GPAM: variants seen among roughly 807,000 people sequenced by gnomAD.
GPAM encodes glycerol-3-phosphate acyltransferase, mitochondrial, also known as glycerol-3-phosphate acyltransferase 1, mitochondrial.
Under a neutral mutation model 105.0 loss-of-function variants are expected in GPAM, and 56 were observed. The ratio of observed to expected loss-of-function variants is 0.53; its 90% confidence interval spans 0.43 to 0.67. The LOEUF (loss-of-function observed/expected upper bound fraction) is 0.67. Ranked by LOEUF, GPAM falls within the 30% of genes least tolerant of loss-of-function variation. The pLI is 0.00. For synonymous variants in GPAM, 368 were observed against 354.4 expected, an observed-to-expected ratio of 1.04 and a Z score of -0.43; for missense variants, 855 against 989.8, an observed-to-expected ratio of 0.86 and a Z score of 1.83.
At chr10:112,212,359 T>C (rs1589613543) in intron 1 of GPAM, among the ~76,000 whole-genome samples, 2 of 151,998 alleles carry the variant, frequency 1.3e-5, no homozygotes, top group Admixed American at 6.6e-5. Context: ...GCCTCCTGGG[T>C]TCACACCATT....
intron 1 of GPAM, among the ~76,000 whole-genome samples, chr10:112,212,556 C>T (rs1847923923): frequency 6.6e-6 from 1 of 152,194 alleles, no homozygotes. Flanking sequence ...AGCCACCGTG[C>T]CCGGCCTCGC....
chr10:112,161,573 G>A (rs966347729), intron 15 of GPAM, 94 bp downstream of exon 15: 10 of 946,796 alleles, frequency 1.1e-5, no homozygotes, highest in African/African-American at 9.6e-5. Context: ...TACTAGCCAT[G>A]AGTGGGCCAA....
chr10:112,207,305 C>T lies in GPAM; in HGVS notation n.210+7863G>A, dbSNP rs1369294120. On this transcript the variant is annotated intron_variant and non_coding_transcript_variant, in intron 1 of 3. Coordinates refer to the GPAM transcript ENST00000480130. ...CCAAGGTTGACCCATTCTGATCCAA[C>T]CTAACACATTCTACAGATAAGGACA... Among the ~76,000 whole-genome samples, 4 of 152,188 alleles carry T rather than the reference C, an allele frequency of 2.6e-5. No homozygotes were observed. The East Asian group carries it at 5.8e-4, about 22-fold the overall frequency.
At chr10:112,200,244 T>TAGAGAGAGAGAG (rs59715102) in intron 1 of GPAM, among the ~76,000 whole-genome samples, 2 of 123,552 alleles carry the variant, frequency 1.6e-5, no homozygotes, top group African/African-American at 6.2e-5. Context: ...TATATATATA[T>TAGAGAGAGAGAG]AGAGAGAGAG....
In GPAM at chr10:112,178,139, T is replaced by C. The variant is rs1589595734; in HGVS notation, c.226-82A>G. 2.0e-5 allele frequency: 15 copies of C among 751,282 alleles called. No homozygotes were observed. In the East Asian group the frequency reaches 3.7e-4, roughly 19 times the overall value. 46.5% of individuals were successfully genotyped at this position (751,282 alleles called of 1,614,324 possible). A position where few individuals can be genotyped will look rare whatever the true frequency, so the allele number is the denominator to read the frequency against. ...GCTCTCATTATGAGTTCTTGATAAC[T>C]TTAATATCAAGCATAAAAACAGATA... On this transcript the variant is annotated intron_variant, in intron 4 of 21. Transcript: ENST00000348367.
intron 12 of GPAM, among the ~76,000 whole-genome samples, chr10:112,165,088 T>C (rs1157134805): frequency 6.6e-6 from 1 of 152,182 alleles, no homozygotes; most frequent in African/African-American, 2.4e-5. Context: ...GATAAGGTTC[T>C]AAAAGATCAA....
intron 20 of GPAM, 123 bp downstream of exon 20, chr10:112,155,741 A>G (rs942827831): frequency 3.1e-6 from 2 of 642,914 alleles, no homozygotes; most frequent in African/African-American, 3.7e-5. Context: ...AGATAATAGT[A>G]ATACTCTACG....
chr10:112,151,613 C>T lies in GPAM; in HGVS notation c.*1937G>A, dbSNP rs1215613898. 2 of 985,468 alleles carry T rather than the reference C, an allele frequency of 2.0e-6. No individual in the cohort carries two copies. The highest frequency in any genetic ancestry group is 3.5e-5 in the African/African-American group (2 of 57,234). The allele number at this position is 985,468 out of a possible 1,614,324, so 61.0% of individuals were successfully genotyped here. On this transcript the variant is annotated 3_prime_UTR_variant, in exon 22 of 22. Transcript: ENST00000348367. Reference sequence around the variant, plus strand: ...AATAATGCAAGAGAAGCCGTATTTTCTTTGCTTAGGTTGGCAAAGCAGCAG... The same window carrying T: ...AATAATGCAAGAGAAGCCGTATTTTTTTTGCTTAGGTTGGCAAAGCAGCAG...
intron 12 of GPAM, among the ~76,000 whole-genome samples, chr10:112,165,314 G>A (rs1589585105): frequency 6.6e-6 from 1 of 152,290 alleles, no homozygotes; most frequent in African/African-American, 2.4e-5. Context: ...CTTTCAATGA[G>A]GATGGCACTA....
intron 9 of GPAM, among the ~76,000 whole-genome samples, chr10:112,170,857 C>G (rs1263820849): frequency 6.6e-6 from 1 of 152,206 alleles, no homozygotes; most frequent in African/African-American, 2.4e-5. Flanking sequence ...ATATCACTGA[C>G]TGCATGAATC....
intron 1 of GPAM, among the ~76,000 whole-genome samples, chr10:112,199,499 A>C (rs1431129769): frequency 6.6e-6 from 1 of 152,144 alleles, no homozygotes; most frequent in Non-Finnish European, 1.5e-5. Flanking sequence ...AGCTAATAAT[A>C]ATGTATACTT....
chr10:112,196,038 G>A (rs1201411353), intron 1 of GPAM, among the ~76,000 whole-genome samples: 1 of 152,094 alleles, frequency 6.6e-6, no homozygotes, highest in Non-Finnish European at 1.5e-5. Context: ...CAGTGTAGGG[G>A]GTGGTCTACA....
chr10:112,221,882 ATACCAC>A, the GPAM span, among the ~76,000 whole-genome samples: 263 of 152,372 alleles, frequency 1.7e-3, 7 homozygotes, highest in Admixed American at 0.014. Context: ...TGCAAAATAG[ATACCAC>A]TATGTTCATT....
chr10:112,212,778 C>A (rs1230700138), intron 1 of GPAM, among the ~76,000 whole-genome samples: 1 of 152,180 alleles, frequency 6.6e-6, no homozygotes, highest in Non-Finnish European at 1.5e-5. Context: ...TGGTGGTAAT[C>A]CCTCTACCTC....
intron 1 of GPAM, among the ~76,000 whole-genome samples, chr10:112,202,764 C>T (rs1341511068): frequency 6.6e-6 from 1 of 152,196 alleles, no homozygotes; most frequent in Non-Finnish European, 1.5e-5. Context: ...GTCTTTCCTT[C>T]TCAAGCAAAC....
chr10:112,151,296 T>C lies in GPAM; in HGVS notation c.*2254A>G. On this transcript the variant is annotated 3_prime_UTR_variant, in exon 22 of 22. Coordinates refer to ENST00000348367, the MANE Select transcript of GPAM (RefSeq NM_001244949.2). Reference sequence around the variant, plus strand: ...TATCTTTTAGCAAAACGGTGCTATCTGGAAGCTTCATTGTGAAGATGCTTT... The same window carrying C: ...TATCTTTTAGCAAAACGGTGCTATCCGGAAGCTTCATTGTGAAGATGCTTT... 1.0e-6 allele frequency: 1 copy of C among 985,632 alleles called. No homozygotes were observed. Among genetic ancestry groups the C allele is most frequent in the Non-Finnish European group, 1.2e-6 (1 of 829,782 alleles). 61.1% of individuals were successfully genotyped at this position (985,632 alleles called of 1,614,324 possible).
In GPAM at chr10:112,152,441, A is replaced by G; in HGVS notation, c.*1109T>C. The G allele has an allele frequency of 2.0e-6, 2 of 985,460 alleles. No homozygotes were observed. The highest frequency in any genetic ancestry group is 2.4e-6 in the Non-Finnish European group (2 of 829,930). 61.0% of individuals were successfully genotyped at this position (985,460 alleles called of 1,614,324 possible). On this transcript the variant is annotated 3_prime_UTR_variant, in exon 22 of 22. Transcript: ENST00000348367. ...GGTTTTTCCTCAAAGCTAAAAATCC[A>G]TAAATGCCTCTAACCATTACCAGTC...
chr10:112,173,600 G>T, intron 7 of GPAM, 99 bp downstream of exon 7: 2 of 1,128,906 alleles, frequency 1.8e-6, no homozygotes, highest in Non-Finnish European at 2.7e-6. Flanking sequence ...AACATCTTTT[G>T]GACAAAGAGA....
intron 1 of GPAM, among the ~76,000 whole-genome samples, chr10:112,209,608 A>T (rs915836547): frequency 2.6e-5 from 4 of 152,076 alleles, no homozygotes; most frequent in Admixed American, 6.6e-5. Flanking sequence ...CTGCTGCTTC[A>T]TGGTCCCCCT....
Sources: gnomAD v4.1 joint callset for allele counts (sites outside exome capture counted in the v4.1 genomes callset) on GRCh38, gnomAD v4.1.1 for gene constraint, MANE v1.5 for transcripts, NCBI Gene and HGNC (gene_info 2026-07-23, HGNC 2026-07-21) for gene names.